RRM2: variants seen among roughly 807,000 people sequenced by gnomAD.
RRM2 encodes ribonucleoside-diphosphate reductase subunit M2.
A neutral mutation model predicts 45.9 loss-of-function variants in RRM2; 6 were observed. The ratio of observed to expected loss-of-function variants is 0.13; its 90% confidence interval spans 0.07 to 0.26. The LOEUF (loss-of-function observed/expected upper bound fraction) is 0.26. RRM2 is among the 10% of genes least tolerant of loss of function. The pLI is 1.00. For missense variants in RRM2, 343 were observed against 489.5 expected, an observed-to-expected ratio of 0.70 and a Z score of 2.82; for synonymous variants, 177 against 173.0, an observed-to-expected ratio of 1.02 and a Z score of -0.18.
At chr2:10,141,815 G>A in intron 1 of RRM2, 1 of 1,551,148 alleles carries the variant, frequency 6.4e-7, no homozygotes, top group Non-Finnish European at 8.7e-7. Context: ...GGTTGCTCCA[G>A]CATGCAGTCA....
Position 10,204,056 on chromosome 2 carries a change from T to G in RRM2, n.483-6255T>G, listed in dbSNP as rs778306532. On this transcript the variant is annotated intron_variant and non_coding_transcript_variant, in intron 3 of 3. Transcript: ENST00000381786. This position sits in a 1 kb window ranked among gnomAD's most constrained non-coding sequence, Gnocchi z 4.0. ...AGTCCTTGTGATTTTCTGAGCATACTTTAGCCTTCTAGCACACTCCTCTCT... is the reference window on the plus strand; with the variant it reads ...AGTCCTTGTGATTTTCTGAGCATACGTTAGCCTTCTAGCACACTCCTCTCT... 1.1e-4 allele frequency among the ~76,000 whole-genome samples: 16 copies of G among 152,098 alleles called. No individual in the cohort carries two copies. Among genetic ancestry groups the G allele is most frequent in the Admixed American group, 2.6e-4 (4 of 15,266 alleles).
intron 3 of RRM2, among the ~76,000 whole-genome samples, chr2:10,203,646 G>C (rs1274301871): frequency 6.6e-6 from 1 of 152,154 alleles, no homozygotes; most frequent in African/African-American, 2.4e-5. Flanking sequence ...AGCTACTCGG[G>C]AGGCTGAGGC....
chr2:10,122,736 C>T (rs1662681031), upstream of RRM2: 3 of 1,552,688 alleles, frequency 1.9e-6, no homozygotes, highest in Non-Finnish European at 2.6e-6. Context: ...TGAGGGGTCG[C>T]CCGTGCACCC....
chr2:10,190,393 GTGGTGGTGA>G (rs1664269775), intron 3 of RRM2, among the ~76,000 whole-genome samples: 1 of 145,812 alleles, frequency 6.9e-6, no homozygotes. Flanking sequence ...GATGGTGATG[GTGGTGGTGA>G]TGGTGGTGAT....
Position 10,169,459 on chromosome 2 carries a change from C to T in RRM2, n.482+27084C>T, listed in dbSNP as rs559463695. The stretch of plus-strand genomic sequence containing the variant: ...AGGCCTTGATGTCCTCTGGTGCCAA[C>T]GCAACAGAGAAGCCAGCAAAATGCT... On this transcript the variant is annotated intron_variant and non_coding_transcript_variant, in intron 3 of 3. Coordinates refer to the RRM2 transcript ENST00000381786. The surrounding 1 kb of genome is among the most constrained non-coding windows in gnomAD (Gnocchi z 5.1). Among the ~76,000 whole-genome samples, 34 of 152,230 alleles carry T rather than the reference C, an allele frequency of 2.2e-4. No homozygotes were observed. Among genetic ancestry groups the T allele is most frequent in the African/African-American group, 7.5e-4 (31 of 41,524 alleles).
rs139954791 is a variant in RRM2, at chr2:10,129,729, C to T, written c.*343C>T. ...AAAAGATGCAGCCTCACTGCTTCAA[C>T]GCAGATTTTAATGTTTACTTAAATA... On this transcript the variant is annotated 3_prime_UTR_variant, in exon 10 of 10. Coordinates refer to ENST00000304567, the MANE Select transcript of RRM2 (RefSeq NM_001034.4). This position sits in a 1 kb window ranked among gnomAD's most constrained non-coding sequence, Gnocchi z 4.8. The T allele has an allele frequency of 4.1e-5, 9 of 217,358 alleles. No individual in the cohort carries two copies. Among genetic ancestry groups the T allele is most frequent in the South Asian group, 1.6e-4 (1 of 6,084 alleles). 13.5% of individuals were successfully genotyped at this position (217,358 alleles called of 1,614,324 possible).
intron 3 of RRM2, among the ~76,000 whole-genome samples, chr2:10,175,683 C>T (rs934619635): frequency 6.6e-6 from 1 of 152,156 alleles, no homozygotes; most frequent in East Asian, 1.9e-4. Context: ...CGGCAACCTC[C>T]GCCTCCCCGG....
intron 3 of RRM2, among the ~76,000 whole-genome samples, chr2:10,142,909 T>C (rs1019661211): frequency 1.3e-5 from 2 of 152,224 alleles, no homozygotes; most frequent in African/African-American, 4.8e-5. Context: ...AGTCTTGCTC[T>C]GTCACCCAGG....
At chr2:10,141,819 G>A (rs1235067016) in intron 1 of RRM2, 65 of 1,551,246 alleles carry the variant, frequency 4.2e-5, no homozygotes, top group African/African-American at 2.1e-4. Context: ...GCTCCAGCAT[G>A]CAGTCACTGA....
downstream of RRM2, among the ~76,000 whole-genome samples, chr2:10,132,554 CTTTATA>C (rs1027175311): frequency 2.6e-5 from 4 of 152,102 alleles, no homozygotes; most frequent in Admixed American, 1.3e-4. Context: ...TTTTATCTGT[CTTTATA>C]TTTATAAGCA....
chr2:10,185,840 T>C lies in RRM2; in HGVS notation n.483-24471T>C, dbSNP rs554682292. Among the ~76,000 whole-genome samples, 1 of 152,240 alleles carries C rather than the reference T, an allele frequency of 6.6e-6. No individual in the cohort carries two copies. The highest frequency in any genetic ancestry group is 1.9e-4 in the East Asian group (1 of 5,182). ...CTGACCCTCAGTCTCATCTTCTGGG[T>C]GACCGAAGATGGGGCAGTGCAGCCC... On this transcript the variant is annotated intron_variant and non_coding_transcript_variant, in intron 3 of 3. Coordinates refer to the RRM2 transcript ENST00000381786. This position sits in a 1 kb window ranked among gnomAD's most constrained non-coding sequence, Gnocchi z 4.3.
chr2:10,141,933 CCAAT>C (rs1291380546), exon 2 of RRM2: 3 of 1,577,790 alleles, frequency 1.9e-6, no homozygotes, highest in African/African-American at 2.7e-5. Flanking sequence ...GAGATGGAGA[CCAAT>C]CACCCACCCA....
In RRM2 at chr2:10,130,590, TAC is replaced by T. The variant is rs1269866533; in HGVS notation, c.*1206_*1207del. The T allele has an allele frequency of 6.6e-6, 1 of 152,118 alleles. No individual in the cohort carries two copies. The highest frequency in any genetic ancestry group is 1.5e-5 in the Non-Finnish European group (1 of 68,018). 9.4% of individuals were successfully genotyped at this position (152,118 alleles called of 1,614,324 possible). A position where few individuals can be genotyped will look rare whatever the true frequency, so the allele number is the denominator to read the frequency against. On this transcript the variant is annotated 3_prime_UTR_variant, in exon 10 of 10. Transcript: ENST00000304567. The stretch of plus-strand genomic sequence containing the variant: ...TTAGTAGGAAACCATGAGCTGTTAA[TAC>T]AGTTTCCATTCAAATATTAATTTCA...
intron 3 of RRM2, among the ~76,000 whole-genome samples, chr2:10,202,897 C>A (rs1248932813): frequency 6.6e-6 from 1 of 151,704 alleles, no homozygotes; most frequent in Non-Finnish European, 1.5e-5. Context: ...TGTTCCCAGC[C>A]GTTGGCCCGT....
At chr2:10,162,811 G>A (rs1270659648) in intron 3 of RRM2, among the ~76,000 whole-genome samples, 1 of 152,326 alleles carries the variant, frequency 6.6e-6, no homozygotes. Flanking sequence ...CATTGCACTT[G>A]CTATTCACAT....
In RRM2 at chr2:10,172,524, A is replaced by G. The variant is rs553942047; in HGVS notation, n.482+30149A>G. 1.3e-3 allele frequency among the ~76,000 whole-genome samples: 202 copies of G among 152,202 alleles called. No homozygotes were observed. Among genetic ancestry groups the G allele is most frequent in the African/African-American group, 4.7e-3 (197 of 41,518 alleles). On this transcript the variant is annotated intron_variant and non_coding_transcript_variant, in intron 3 of 3. Coordinates refer to the RRM2 transcript ENST00000381786. The surrounding 1 kb of genome is among the most constrained non-coding windows in gnomAD (Gnocchi z 4.9). ...AGCAGAATGCTCCTGGGGCCAATAG[A>G]TTTTTCCAGTAATGAAATTGTGAAA...
In RRM2 at chr2:10,129,802, G is replaced by A. The variant is rs1468346086; in HGVS notation, c.*416G>A. On this transcript the variant is annotated 3_prime_UTR_variant, in exon 10 of 10. Transcript: ENST00000304567. The surrounding 1 kb of genome is among the most constrained non-coding windows in gnomAD (Gnocchi z 4.8). ...AATAAACATTGTTTGTACTCACAAG[G>A]CGATAATAGCTTGATTTATTTGGTT... 6.2e-6 allele frequency: 1 copy of A among 160,246 alleles called. No individual in the cohort carries two copies. Among genetic ancestry groups the A allele is most frequent in the Admixed American group, 6.4e-5 (1 of 15,694 alleles). The allele number at this position is 160,246 out of a possible 1,614,324, so 9.9% of individuals were successfully genotyped here.
intron 3 of RRM2, among the ~76,000 whole-genome samples, chr2:10,183,323 AC>A (rs1193857715): frequency 6.6e-6 from 1 of 152,036 alleles, no homozygotes; most frequent in Non-Finnish European, 1.5e-5. Flanking sequence ...GTGCCATCTG[AC>A]CCCTCTGAGA....
At chr2:10,184,980 GAGC>G (rs1664135707) in intron 3 of RRM2, among the ~76,000 whole-genome samples, 1 of 152,204 alleles carries the variant, frequency 6.6e-6, no homozygotes, top group East Asian at 1.9e-4. Context: ...AGCATGCCCA[GAGC>G]AGCACTAACC....
Sources: allele counts gnomAD v4.1 joint callset (sites outside exome capture counted in the v4.1 genomes callset), GRCh38; gene constraint gnomAD v4.1.1; non-coding constraint Gnocchi (gnomAD v3.1); transcripts MANE v1.5; gene names NCBI Gene and HGNC (gene_info 2026-07-23, HGNC 2026-07-21).